Variants in AXDND1 observed in about 807,000 individuals in gnomAD.
The protein encoded by AXDND1 is axonemal dynein light chain domain-containing protein 1.
AXDND1 carries 110 observed loss-of-function variants against 137.5 expected under a neutral mutation model. The observed-to-expected ratio is 0.80, with a 90% CI of 0.69 to 0.94. The LOEUF is 0.94. AXDND1 is among the 40% of genes least tolerant of loss of function. AXDND1 has a pLI of 0.00. For missense variants in AXDND1, 1,191 were observed against 1,169.8 expected (o/e 1.02, Z -0.26); for synonymous variants, 414 against 399.7 (o/e 1.04, Z -0.43).
At chr1:179,545,299 C>T (rs1217653750) in intron 25 of AXDND1, 3 of 152,200 alleles carry the variant, frequency 2.0e-5, no homozygotes, top group Non-Finnish European at 4.4e-5. Flanking sequence ...ACCTGTTCTT[C>T]TAGCCTCAGA....
chr1:179,408,968 C>CTTTTTTTTTTT (rs74384865), intron 11 of AXDND1, among the ~76,000 whole-genome samples: 32 of 126,378 alleles, frequency 2.5e-4, no homozygotes, highest in African/African-American at 4.0e-4. Context: ...TTTTTTCTTT[C>CTTTTTTTTTTT]TTTTTTTTTT....
chr1:179,464,100 G>A (rs1231297272), intron 16 of AXDND1, among the ~76,000 whole-genome samples: 2 of 152,062 alleles, frequency 1.3e-5, no homozygotes, highest in African/African-American at 4.8e-5. Context: ...TTTAATTGGG[G>A]CATTTAGCCC....
intron 16 of AXDND1, among the ~76,000 whole-genome samples, chr1:179,464,927 G>A (rs1662906653): frequency 6.6e-6 from 1 of 152,236 alleles, no homozygotes; most frequent in African/African-American, 2.4e-5. Flanking sequence ...GCTTCTGCAT[G>A]CATCACGTAG....
chr1:179,542,251 C>G (rs1022066376), intron 25 of AXDND1, among the ~76,000 whole-genome samples: 5 of 152,128 alleles, frequency 3.3e-5, no homozygotes, highest in Non-Finnish European at 5.9e-5. Flanking sequence ...CATCTCCAAC[C>G]TGTGGTCTGT....
Position 179,485,001 on chromosome 1 carries a change from G to T in AXDND1, c.2091+1780G>T, listed in dbSNP as rs10913796. On this transcript the variant is annotated intron_variant, in intron 18 of 25. Coordinates refer to ENST00000367618, the MANE Select transcript of AXDND1 (RefSeq NM_144696.6). ...TGCCAGCAGACCTGCCTCCCACCTTGTGCAGCCACTGCTGCCTGTGCGAGT... is the reference window on the plus strand; with the variant it reads ...TGCCAGCAGACCTGCCTCCCACCTTTTGCAGCCACTGCTGCCTGTGCGAGT... 1.2e-3 allele frequency among the ~76,000 whole-genome samples: 183 copies of T among 152,272 alleles called. 2 individuals are homozygous for T. The highest frequency in any genetic ancestry group is 4.1e-3 in the African/African-American group (171 of 41,548).
intron 25 of AXDND1, among the ~76,000 whole-genome samples, chr1:179,537,186 A>G (rs1392988890): frequency 6.6e-6 from 1 of 152,162 alleles, no homozygotes; most frequent in Non-Finnish European, 1.5e-5. Flanking sequence ...CTCTTTTCCA[A>G]TGAATACCCT....
At chr1:179,410,430 G>A (rs1653697711) in intron 11 of AXDND1, among the ~76,000 whole-genome samples, 1 of 152,208 alleles carries the variant, frequency 6.6e-6, no homozygotes, top group Admixed American at 6.5e-5. Context: ...GTTTCACCAT[G>A]TTGGCCAGGC....
chr1:179,480,383 C>T (rs1380376525), intron 17 of AXDND1, among the ~76,000 whole-genome samples: 1 of 152,170 alleles, frequency 6.6e-6, no homozygotes, highest in African/African-American at 2.4e-5. Flanking sequence ...CATCAGATCT[C>T]ATTAGACTTA....
rs890492737 is a variant in AXDND1, at chr1:179,385,256, A to G, written c.760A>G (p.Ile254Val). ...GPTKMHKLLH[I>V]LKKEQTIYNM... ...CTGACAGATGCACAAACTACTACAT[A>G]TATTGAAGAAGGAACAGACCATTTA... is the stretch of plus-strand genomic sequence containing the variant. The change falls in exon 9 of 26, where the codon ATA becomes GTA. Residue 254 changes from isoleucine (I) to valine (V), a missense_variant. Transcript: ENST00000367618. 10 of 1,610,214 alleles carry G rather than the reference A, an allele frequency of 6.2e-6. No individual in the cohort carries two copies. Among genetic ancestry groups the G allele is most frequent in the South Asian group, 1.1e-5 (1 of 91,010 alleles).
chr1:179,507,003 C>A, intron 20 of AXDND1: 1 of 632,648 alleles, frequency 1.6e-6, no homozygotes, highest in Non-Finnish European at 2.0e-6. Context: ...CATTTATAGC[C>A]AGTGTCTTAC....
intron 22 of AXDND1, among the ~76,000 whole-genome samples, chr1:179,527,410 C>G (rs551805820): frequency 6.6e-6 from 1 of 152,296 alleles, no homozygotes; most frequent in East Asian, 1.9e-4. Context: ...CTTAGAATGC[C>G]TTAACCATCT....
chr1:179,418,154 G>A (rs1360068404), intron 12 of AXDND1, among the ~76,000 whole-genome samples: 2 of 151,898 alleles, frequency 1.3e-5, no homozygotes, highest in East Asian at 3.9e-4. Flanking sequence ...CAGTGTTTGT[G>A]TCCCTGGGTA....
intron 20 of AXDND1, among the ~76,000 whole-genome samples, chr1:179,504,253 C>T (rs779624309): frequency 2.0e-5 from 3 of 152,182 alleles, no homozygotes; most frequent in African/African-American, 4.8e-5. Flanking sequence ...CAAGCAGTCT[C>T]TTGGAACCCA....
intron 16 of AXDND1, chr1:179,449,845 A>G (rs1014534451): frequency 1.5e-4 from 23 of 151,970 alleles, no homozygotes; most frequent in African/African-American, 5.6e-4. Context: ...GATTTTGTAT[A>G]TTGATCTTAC....
intron 18 of AXDND1, among the ~76,000 whole-genome samples, chr1:179,486,139 A>AAAAAAAAAACT (rs149119239): frequency 3.2e-4 from 28 of 87,792 alleles, no homozygotes; most frequent in East Asian, 2.3e-3. Context: ...AAAAAAAAAA[A>AAAAAAAAAACT]AACCTGATAG....
chr1:179,552,833 A>G, intron 25 of AXDND1: 4 of 690,430 alleles, frequency 5.8e-6, no homozygotes, highest in Non-Finnish European at 1.1e-5. Context: ...TTCTGAGGTC[A>G]AAAGTAGGCA....
chr1:179,458,172 T>C (rs531699692), intron 16 of AXDND1, among the ~76,000 whole-genome samples: 1 of 152,052 alleles, frequency 6.6e-6, no homozygotes, highest in South Asian at 2.1e-4. Flanking sequence ...TTGTAGAGAT[T>C]GGGTTTCATC....
intron 21 of AXDND1, among the ~76,000 whole-genome samples, chr1:179,513,469 T>C (rs55942649): frequency 0.13 from 19,131 of 152,134 alleles, 1,378 homozygotes; most frequent in African/African-American, 0.16. Context: ...AGTTAGCGAG[T>C]ATTTTGTTAA....
intron 25 of AXDND1, chr1:179,552,033 A>T (rs1297464878): frequency 1.8e-5 from 3 of 167,628 alleles, no homozygotes; most frequent in Admixed American, 1.7e-4. Context: ...CTTTCAGAGA[A>T]ATCTGCCTCC....
Sources: gnomAD v4.1 joint callset for allele counts (sites outside exome capture counted in the v4.1 genomes callset) on GRCh38, gnomAD v4.1.1 for gene constraint, MANE v1.5 for transcripts, NCBI Gene and HGNC (gene_info 2026-07-23, HGNC 2026-07-21) for gene names.